TBC1D19: variants seen among roughly 807,000 people sequenced by gnomAD.
The protein encoded by TBC1D19 is TBC1 domain family member 19.
In TBC1D19, 60 loss-of-function variants were observed where a neutral mutation model predicts 89.0. The ratio of observed to expected loss-of-function variants is 0.67; its 90% CI spans 0.55 to 0.84. The LOEUF (loss-of-function observed/expected upper bound fraction) is 0.84. Among genes scored for constraint, TBC1D19 ranks in the 40% least tolerant of loss-of-function variants. The pLI is 0.00. For synonymous variants in TBC1D19, 189 were observed against 199.7 expected (o/e 0.95, Z 0.45); for missense variants, 500 against 610.8 (o/e 0.82, Z 1.91).
chr4:26,621,250 A>C (rs1468338575), intron 4 of TBC1D19, among the ~76,000 whole-genome samples: 1 of 152,198 alleles, frequency 6.6e-6, no homozygotes, highest in Non-Finnish European at 1.5e-5. Context: ...AAGCTCAAGA[A>C]GTTCTAGCAC....
chr4:26,649,214 CTT>C (rs1033187334), intron 7 of TBC1D19, among the ~76,000 whole-genome samples: 12 of 151,744 alleles, frequency 7.9e-5, no homozygotes, highest in African/African-American at 2.9e-4. Flanking sequence ...TTTTAGGAAA[CTT>C]TTTTGGTATT....
At chr4:26,595,375 T>G (rs1740142891) in intron 1 of TBC1D19, among the ~76,000 whole-genome samples, 1 of 152,230 alleles carries the variant, frequency 6.6e-6, no homozygotes, top group Non-Finnish European at 1.5e-5. Context: ...GTCTTTTTAT[T>G]TTCTTCAATA....
At chr4:26,594,957 CA>C (rs1344279487) in intron 1 of TBC1D19, among the ~76,000 whole-genome samples, 3 of 152,158 alleles carry the variant, frequency 2.0e-5, no homozygotes, top group Non-Finnish European at 4.4e-5. Flanking sequence ...AGGTAAATAC[CA>C]AAGAGTGAAA....
At chr4:26,580,430 T>C (rs1400749900), upstream of TBC1D19, among the ~76,000 whole-genome samples, 2 of 152,188 alleles carry the variant, frequency 1.3e-5, no homozygotes, top group Non-Finnish European at 2.9e-5. Context: ...TTTTTAAGCA[T>C]ACATGTATTA....
At chr4:26,744,549 C>T (rs1414345031) in intron 18 of TBC1D19, among the ~76,000 whole-genome samples, 1 of 151,818 alleles carries the variant, frequency 6.6e-6, no homozygotes, top group Non-Finnish European at 1.5e-5. Context: ...TATTTACCTC[C>T]ACCTAACAAA....
At chr4:26,734,958 A>ATATGTATATATGTATACACATATGTG (rs1717895451) in intron 15 of TBC1D19, among the ~76,000 whole-genome samples, 1 of 57,932 alleles carries the variant, frequency 1.7e-5, no homozygotes, top group Admixed American at 1.5e-4. Context: ...ACACATATGT[A>ATATGTATATATGTATACACATATGTG]TATGTATATA....
In TBC1D19 at chr4:26,613,225, ATTC is replaced by A; in HGVS notation, c.159_161del (p.Phe54del). ...AATCACTGAAAGAAGATATTAAGGAATTCTTTAAAATATCAGGTTTGTAAGTTT... is the reference window on the plus strand; with the variant it reads ...AATCACTGAAAGAAGATATTAAGGAATTTAAAATATCAGGTTTGTAAGTTT... On this transcript the variant is annotated inframe_deletion, in exon 2 of 21. Coordinates refer to ENST00000264866, the MANE Select transcript of TBC1D19 (RefSeq NM_018317.4). The A allele has an allele frequency of 6.4e-7, 1 of 1,573,264 alleles. No individual in the cohort carries two copies. The highest frequency in any genetic ancestry group is 1.4e-5 in the African/African-American group (1 of 73,430).
intron 7 of TBC1D19, among the ~76,000 whole-genome samples, chr4:26,649,406 T>C (rs1022619968): frequency 3.3e-5 from 5 of 152,162 alleles, no homozygotes; most frequent in Admixed American, 2.0e-4. Flanking sequence ...ATTTAAAATA[T>C]ACAACTCAAG....
chr4:26,743,772 A>G (rs1718500212), intron 18 of TBC1D19, among the ~76,000 whole-genome samples: 1 of 151,812 alleles, frequency 6.6e-6, no homozygotes, highest in Non-Finnish European at 1.5e-5. Context: ...ATTGAGCATA[A>G]GACTTTTATT....
chr4:26,828,289 G>A, the TBC1D19 span, among the ~76,000 whole-genome samples: 2 of 152,184 alleles, frequency 1.3e-5, no homozygotes, highest in Non-Finnish European at 1.5e-5. Flanking sequence ...TGCCTTAGAA[G>A]GAGGCAACAT....
rs911307395 is a variant in TBC1D19, at chr4:26,748,531, G to A, written c.1435+5G>A. 1 of 1,595,548 alleles carries A rather than the reference G, an allele frequency of 6.3e-7. No individual in the cohort carries two copies. The highest frequency in any genetic ancestry group is 8.6e-7 in the Non-Finnish European group (1 of 1,164,536). On this transcript the variant is annotated splice_donor_5th_base_variant and intron_variant, in intron 19 of 20. Coordinates refer to ENST00000264866, the MANE Select transcript of TBC1D19 (RefSeq NM_018317.4). ...ACTCTCTGGAAATTCTTGCTGGTAA[G>A]AGTAAATGCTTGTTTGTAGAACACA...
chr4:26,734,515 A>G (rs548802185), intron 15 of TBC1D19, among the ~76,000 whole-genome samples: 2 of 152,298 alleles, frequency 1.3e-5, no homozygotes, highest in East Asian at 3.9e-4. Context: ...GATGTTTAGC[A>G]CACCAAGTTA....
the TBC1D19 span, among the ~76,000 whole-genome samples, chr4:26,800,812 G>A: frequency 6.6e-6 from 1 of 152,142 alleles, no homozygotes; most frequent in African/African-American, 2.4e-5. Context: ...CTTCTTTTGA[G>A]AAGTGTCTGT....
chr4:26,769,161 T>C, the TBC1D19 span, among the ~76,000 whole-genome samples: 1 of 152,004 alleles, frequency 6.6e-6, no homozygotes, highest in Non-Finnish European at 1.5e-5. Context: ...GGAAGAAAAA[T>C]GTTGTCAATC....
At chr4:26,832,072 C>G in the TBC1D19 span, among the ~76,000 whole-genome samples, 1 of 152,200 alleles carries the variant, frequency 6.6e-6, no homozygotes, top group Non-Finnish European at 1.5e-5. Flanking sequence ...TTTCCACATG[C>G]TGGGCAAGCT....
At chr4:26,600,627 T>A (rs891287326) in intron 1 of TBC1D19, among the ~76,000 whole-genome samples, 4 of 152,074 alleles carry the variant, frequency 2.6e-5, no homozygotes, top group African/African-American at 4.8e-5. Context: ...AGGCTAAGAA[T>A]AGAGATGCGG....
intron 1 of TBC1D19, among the ~76,000 whole-genome samples, chr4:26,578,178 C>G (rs915320842): frequency 2.6e-5 from 4 of 152,318 alleles, no homozygotes; most frequent in African/African-American, 9.6e-5. Flanking sequence ...TTGTGCACGG[C>G]ATCTTACAGT....
chr4:26,624,848 G>A (rs1182682260), intron 4 of TBC1D19, among the ~76,000 whole-genome samples: 1 of 152,028 alleles, frequency 6.6e-6, no homozygotes, highest in East Asian at 1.9e-4. Flanking sequence ...GTAATACAAA[G>A]TAAAAAGTGC....
intron 4 of TBC1D19, 110 bp downstream of exon 4, chr4:26,620,798 G>T: frequency 1.1e-6 from 1 of 878,424 alleles, no homozygotes; most frequent in Non-Finnish European, 1.7e-6. Flanking sequence ...GAAATACTGG[G>T]TAAGAACCAC....
Sources: allele counts gnomAD v4.1 joint callset (sites outside exome capture counted in the v4.1 genomes callset), GRCh38; gene constraint gnomAD v4.1.1; transcripts MANE v1.5; gene names NCBI Gene and HGNC (gene_info 2026-07-23, HGNC 2026-07-21).